FARS2: variants seen among roughly 807,000 people sequenced by gnomAD.
FARS2 encodes the protein phenylalanine--tRNA ligase, mitochondrial.
A neutral mutation model predicts 46.4 loss-of-function variants in FARS2; 40 were observed. That is an observed-to-expected ratio of 0.86 (90% CI 0.67 to 1.12). The LOEUF is 1.12. FARS2 is among the 50% of genes most tolerant of loss of function. FARS2 has a pLI of 0.00. For missense variants in FARS2, 513 were observed against 567.9 expected (o/e 0.90, Z 0.98); for synonymous variants, 234 against 214.9 (o/e 1.09, Z -0.78).
intron 4 of FARS2, among the ~76,000 whole-genome samples, chr6:5,477,229 A>G (rs947963372): frequency 3.9e-5 from 6 of 152,212 alleles, no homozygotes; most frequent in African/African-American, 9.6e-5. Context: ...TGGGTCTAAC[A>G]GGGCTAAACA....
At chr6:5,317,532 G>C (rs1769619957) in intron 1 of FARS2, among the ~76,000 whole-genome samples, 1 of 152,146 alleles carries the variant, frequency 6.6e-6, no homozygotes, top group African/African-American at 2.4e-5. Flanking sequence ...TGTAATCCCA[G>C]CACTTTGGGA....
intron 4 of FARS2, among the ~76,000 whole-genome samples, chr6:5,497,764 A>G (rs1336236067): frequency 6.6e-6 from 1 of 152,200 alleles, no homozygotes; most frequent in African/African-American, 2.4e-5. Context: ...TTTATTTTAA[A>G]TAGAATTTTA....
intron 6 of FARS2, among the ~76,000 whole-genome samples, chr6:5,744,898 G>A (rs937370536): frequency 6.6e-6 from 1 of 152,094 alleles, no homozygotes; most frequent in Non-Finnish European, 1.5e-5. Flanking sequence ...AATAATGCCC[G>A]AATCAAGAGC....
At chr6:5,481,483 C>T (rs936267610) in intron 4 of FARS2, among the ~76,000 whole-genome samples, 2 of 151,954 alleles carry the variant, frequency 1.3e-5, no homozygotes, top group Non-Finnish European at 2.9e-5. Flanking sequence ...CTGGATCTGC[C>T]TCAGTTCATT....
chr6:5,324,534 C>T (rs1315648957), intron 1 of FARS2, among the ~76,000 whole-genome samples: 1 of 149,964 alleles, frequency 6.7e-6, no homozygotes, highest in Non-Finnish European at 1.5e-5. Flanking sequence ...ACCTTTCAAC[C>T]ATCATCCCTT....
rs186849776 is a variant in FARS2 at position 5,387,963 on chromosome 6, A to G, written c.613-16579A>G. On this transcript the variant is annotated intron_variant, in intron 2 of 6. Transcript: ENST00000274680. The stretch of plus-strand genomic sequence containing the variant: ...CAAAGAAAGTACAGAAAGTTCCTGT[A>G]TAATCCATATTCAGTTTATCCTATT... Among the ~76,000 whole-genome samples the G allele has an allele frequency of 1.1e-4, 17 of 152,366 alleles. No homozygotes were observed. The East Asian group carries it at 2.3e-3, about 21-fold the overall frequency.
intron 6 of FARS2, among the ~76,000 whole-genome samples, chr6:5,722,245 A>C (rs991034803): frequency 6.6e-6 from 1 of 152,202 alleles, no homozygotes; most frequent in Non-Finnish European, 1.5e-5. Flanking sequence ...GGGCAAATAA[A>C]GTCTTAATAG....
At chr6:5,747,240 T>C (rs1449042993) in intron 6 of FARS2, among the ~76,000 whole-genome samples, 1 of 152,226 alleles carries the variant, frequency 6.6e-6, no homozygotes, top group Admixed American at 6.5e-5. Context: ...ACTGAAAGGA[T>C]GGCCTCTACT....
At chr6:5,483,605 T>G (rs1376442242) in intron 4 of FARS2, among the ~76,000 whole-genome samples, 1 of 152,054 alleles carries the variant, frequency 6.6e-6, no homozygotes, top group Non-Finnish European at 1.5e-5. Context: ...AGGCAGAGGT[T>G]GCAGTGAGCC....
chr6:5,252,437 C>G, the FARS2 span, among the ~76,000 whole-genome samples: 1 of 152,270 alleles, frequency 6.6e-6, no homozygotes, highest in African/African-American at 2.4e-5. Flanking sequence ...TTAGCTCAGT[C>G]CAACACTTCA....
intron 4 of FARS2, chr6:5,466,493 G>GTGGAAGAAGATA: frequency 3.1e-6 from 3 of 975,338 alleles, no homozygotes; most frequent in Non-Finnish European, 3.7e-6. Context: ...TAAATGTTTA[G>GTGGAAGAAGATA]TGGAAGAAGA....
chr6:5,324,801 G>A (rs1770243919), intron 1 of FARS2, among the ~76,000 whole-genome samples: 1 of 152,132 alleles, frequency 6.6e-6, no homozygotes, highest in Non-Finnish European at 1.5e-5. Flanking sequence ...CTAGGAAGAA[G>A]TGCCCCAAGG....
chr6:5,420,627 A>C (rs563742065), intron 3 of FARS2, among the ~76,000 whole-genome samples: 1 of 152,210 alleles, frequency 6.6e-6, no homozygotes, highest in Non-Finnish European at 1.5e-5. Flanking sequence ...CATGTCTCAC[A>C]TACAGGTCCT....
intron 4 of FARS2, among the ~76,000 whole-genome samples, chr6:5,542,917 A>G (rs76191450): frequency 0.015 from 2,332 of 152,064 alleles, 49 homozygotes; most frequent in African/African-American, 0.053. Flanking sequence ...TTGATTTCTG[A>G]TTTATTTGCA....
chr6:5,711,216 T>C (rs971385444), intron 6 of FARS2, among the ~76,000 whole-genome samples: 13 of 151,870 alleles, frequency 8.6e-5, no homozygotes, highest in African/African-American at 2.9e-4. Flanking sequence ...AAATAAACAA[T>C]AGAGTGCTGG....
chr6:5,307,042 G>A (rs998540891), intron 1 of FARS2, among the ~76,000 whole-genome samples: 4 of 151,998 alleles, frequency 2.6e-5, no homozygotes, highest in Non-Finnish European at 4.4e-5. Context: ...CTTTTTTAAT[G>A]CATAATTTTT....
At chr6:5,738,869 C>G (rs9502333) in intron 6 of FARS2, among the ~76,000 whole-genome samples, 1 of 151,838 alleles carries the variant, frequency 6.6e-6, no homozygotes, top group Non-Finnish European at 1.5e-5. Context: ...TTTTCTAGAA[C>G]GTAAGACAAA....
intron 6 of FARS2, among the ~76,000 whole-genome samples, chr6:5,690,554 T>C (rs1361775059): frequency 6.6e-6 from 1 of 151,750 alleles, no homozygotes; most frequent in East Asian, 1.9e-4. Flanking sequence ...GTAGAGTTTC[T>C]GCCGAGAGAT....
At chr6:5,406,666 T>C (rs35835664) in intron 3 of FARS2, among the ~76,000 whole-genome samples, 23,817 of 152,022 alleles carry the variant, frequency 0.16, 2,514 homozygotes, top group East Asian at 0.46. Context: ...ATCCATACAT[T>C]CATTGATAGG....
Sources: gnomAD v4.1 joint callset for allele counts (sites outside exome capture counted in the v4.1 genomes callset) on GRCh38, gnomAD v4.1.1 for gene constraint, MANE v1.5 for transcripts, NCBI Gene and HGNC (gene_info 2026-07-23, HGNC 2026-07-21) for gene names.